ACYP2: variants seen among roughly 807,000 people sequenced by gnomAD.
ACYP2 encodes the protein acylphosphatase 2, also known as acylphosphatase-2.
A neutral mutation model predicts 11.2 loss-of-function variants in ACYP2; 12 were observed. That is an observed-to-expected ratio of 1.08 (90% confidence interval 0.69 to 1.74). The LOEUF is 1.74. Ranked by LOEUF, ACYP2 falls within the 40% of genes most tolerant of loss-of-function variation. The pLI is 0.00. For synonymous variants in ACYP2, 43 were observed against 32.2 expected, an observed-to-expected ratio of 1.33 and a Z score of -1.13; for missense variants, 134 against 101.9, an observed-to-expected ratio of 1.31 and a Z score of -1.35.
intron 4 of ACYP2, among the ~76,000 whole-genome samples, chr2:54,111,715 T>C (rs988188804): frequency 2.6e-5 from 4 of 152,248 alleles, no homozygotes; most frequent in Non-Finnish European, 4.4e-5. Context: ...CAGGGAATCA[T>C]TGAATGGAAG....
intron 4 of ACYP2, among the ~76,000 whole-genome samples, chr2:54,105,136 C>G (rs1176827552): frequency 6.6e-6 from 1 of 152,180 alleles, no homozygotes; most frequent in Non-Finnish European, 1.5e-5. Flanking sequence ...CAACATAGAG[C>G]CTGAGCACTC....
At chr2:54,100,337 C>G (rs979224612) in intron 4 of ACYP2, among the ~76,000 whole-genome samples, 3 of 140,304 alleles carry the variant, frequency 2.1e-5, no homozygotes, top group Non-Finnish European at 3.0e-5. Context: ...AAGTCTTGCT[C>G]TGTTGCCTAG....
intron 4 of ACYP2, among the ~76,000 whole-genome samples, chr2:54,119,549 C>G (rs1680022863): frequency 6.6e-6 from 1 of 152,068 alleles, no homozygotes; most frequent in South Asian, 2.1e-4. Context: ...TGAGTGGAAA[C>G]TATTCCCAGT....
intron 4 of ACYP2, among the ~76,000 whole-genome samples, chr2:54,093,857 A>G (rs924849003): frequency 3.3e-5 from 5 of 152,118 alleles, no homozygotes; most frequent in Admixed American, 6.6e-5. Context: ...GGAGAATGAC[A>G]TGAACCTGGG....
intron 6 of ACYP2, among the ~76,000 whole-genome samples, chr2:54,151,060 G>C (rs2103809981): frequency 6.6e-6 from 1 of 152,286 alleles, no homozygotes; most frequent in East Asian, 1.9e-4. Flanking sequence ...TTTCTATACA[G>C]AGCTGATGAT....
chr2:54,103,201 G>C (rs995867094), intron 4 of ACYP2, among the ~76,000 whole-genome samples: 14 of 152,252 alleles, frequency 9.2e-5, no homozygotes, highest in African/African-American at 3.1e-4. Flanking sequence ...ACATGTTGGA[G>C]TGTGTGAGAA....
At chr2:54,249,940 CAAA>C (rs1015312135) in intron 6 of ACYP2, among the ~76,000 whole-genome samples, 560 of 44,416 alleles carry the variant, frequency 0.013, 2 homozygotes, top group African/African-American at 0.033. Flanking sequence ...GACCCTGTCT[CAAA>C]AAAAAAAAAA....
intron 4 of ACYP2, among the ~76,000 whole-genome samples, chr2:54,098,530 G>T (rs545677827): frequency 6.6e-6 from 1 of 152,014 alleles, no homozygotes; most frequent in African/African-American, 2.4e-5. Context: ...TTGTTCTCCC[G>T]AGGCAACTTC....
At chr2:54,264,048 TCTCA>T (rs1482560822) in intron 6 of ACYP2, among the ~76,000 whole-genome samples, 1 of 152,174 alleles carries the variant, frequency 6.6e-6, no homozygotes, top group Non-Finnish European at 1.5e-5. Flanking sequence ...GGGTTCTTGG[TCTCA>T]CTGACTTCAA....
At chr2:54,016,978 G>A (rs1673723408) in intron 2 of ACYP2, among the ~76,000 whole-genome samples, 1 of 152,006 alleles carries the variant, frequency 6.6e-6, no homozygotes, top group Non-Finnish European at 1.5e-5. Context: ...ACCCATCTCG[G>A]CCTCCCAAAG....
chr2:54,304,728 A>G lies in ACYP2; in HGVS notation c.445A>G (p.Ile149Val), dbSNP rs200611719. 25 of 1,612,256 alleles carry G rather than the reference A, an allele frequency of 1.6e-5. No homozygotes were observed. The African/African-American group carries it at 3.2e-4, about 21-fold the overall frequency. ...CAAGGTTGGAAGCCCTAGTTCTCGC[A>G]TTGACCGCACAAACTTTTCTAATGA... Residue 149 changes from isoleucine to valine, a missense_variant, in exon 7 of 7, where the codon ATT becomes GTT. Coordinates refer to ENST00000607452, the MANE Select transcript of ACYP2 (RefSeq NM_001320586.2).
chr2:54,246,504 G>A (rs1686958507), intron 6 of ACYP2, among the ~76,000 whole-genome samples: 1 of 151,826 alleles, frequency 6.6e-6, no homozygotes, highest in Non-Finnish European at 1.5e-5. Flanking sequence ...ATTGTAGATA[G>A]TCTTCCCCCA....
intron 6 of ACYP2, among the ~76,000 whole-genome samples, chr2:54,238,917 T>A (rs1218222496): frequency 1.3e-5 from 2 of 151,500 alleles, no homozygotes; most frequent in African/African-American, 4.8e-5. Context: ...CTAGCCTATT[T>A]TTTTGTGGTT....
intron 6 of ACYP2, among the ~76,000 whole-genome samples, chr2:54,162,568 G>T (rs1000355054): frequency 1.5e-4 from 23 of 152,076 alleles, no homozygotes; most frequent in African/African-American, 5.6e-4. Context: ...CACCCTAGAC[G>T]TACTGAATCA....
In ACYP2 at chr2:54,201,108, CT is replaced by C. The variant is rs757159071; in HGVS notation, c.404+62375del. Among the ~76,000 whole-genome samples, 717 of 77,964 alleles carry C rather than the reference CT, an allele frequency of 9.2e-3. 4 individuals are homozygous for C. Among genetic ancestry groups the C allele is most frequent in the African/African-American group, 0.026 (562 of 21,966 alleles). The allele number at this position is 77,964 out of a possible 152,430, so 51.1% of individuals were successfully genotyped here. A position where few individuals can be genotyped will look rare whatever the true frequency, so the allele number is the denominator to read the frequency against. On this transcript the variant is annotated intron_variant, in intron 6 of 6. Transcript: ENST00000607452. ...ATTAAAAAATTTGGGTTCTCTCTCT[CT>C]TTTTTTTTTTTTTTGAGACAGAGTC...
At chr2:54,109,546 C>G (rs1679345706) in intron 4 of ACYP2, among the ~76,000 whole-genome samples, 1 of 151,918 alleles carries the variant, frequency 6.6e-6, no homozygotes, top group Non-Finnish European at 1.5e-5. Context: ...ACATGTTCCC[C>G]CAAACCTATT....
intron 2 of ACYP2, among the ~76,000 whole-genome samples, chr2:54,006,732 A>G (rs1673084195): frequency 6.6e-6 from 1 of 152,184 alleles, no homozygotes; most frequent in South Asian, 2.1e-4. Flanking sequence ...TCTTGGGCTC[A>G]AACTATCTAT....
chr2:54,025,677 C>T (rs776285845), intron 2 of ACYP2, among the ~76,000 whole-genome samples: 4 of 152,144 alleles, frequency 2.6e-5, no homozygotes, highest in Non-Finnish European at 5.9e-5. Flanking sequence ...TCTGAGACAT[C>T]GACTTAGTCT....
chr2:54,182,852 G>T (rs1472303927), intron 6 of ACYP2, among the ~76,000 whole-genome samples: 1 of 152,174 alleles, frequency 6.6e-6, no homozygotes, highest in Non-Finnish European at 1.5e-5. Context: ...GCAGATCCAG[G>T]TTTCACAAAA....
Sources: allele counts gnomAD v4.1 joint callset (sites outside exome capture counted in the v4.1 genomes callset), GRCh38; gene constraint gnomAD v4.1.1; transcripts MANE v1.5; gene names NCBI Gene and HGNC (gene_info 2026-07-23, HGNC 2026-07-21).